The following DENND1A variants were observed in gnomAD, a reference collection of about 807,000 sequenced individuals.
DENND1A encodes DENN domain-containing protein 1A.
Under a neutral mutation model 113.7 loss-of-function variants are expected in DENND1A, and 51 were observed. The observed-to-expected ratio is 0.45, with a 90% CI of 0.36 to 0.57. DENND1A has a LOEUF of 0.57. Among genes scored for constraint, DENND1A ranks in the 20% least tolerant of loss-of-function variants. DENND1A has a pLI of 0.00. For missense variants in DENND1A, 1,258 were observed against 1,395.9 expected, an observed-to-expected ratio of 0.90 and a Z score of 1.57; for synonymous variants, 565 against 570.8, an observed-to-expected ratio of 0.99 and a Z score of 0.14.
In DENND1A at chr9:123,547,128, G is replaced by A. The variant is rs1224345949; in HGVS notation, c.993+10442C>T. ...CAACATCAGTGTCCCTGTGACGTGG[G>A]CAGTGGAGATTTGGTGCCAATATTG... On this transcript the variant is annotated intron_variant, in intron 13 of 23. Coordinates refer to ENST00000394215, the MANE Select transcript of DENND1A (RefSeq NM_001352964.2). 2.0e-5 allele frequency among the ~76,000 whole-genome samples: 3 copies of A among 152,356 alleles called. No individual in the cohort carries two copies. In the East Asian group the frequency reaches 5.8e-4, roughly 29 times the overall value.
intron 1 of DENND1A, among the ~76,000 whole-genome samples, chr9:123,928,375 A>G (rs1236174949): frequency 6.6e-6 from 1 of 152,216 alleles, no homozygotes; most frequent in Non-Finnish European, 1.5e-5. Flanking sequence ...TGGCTTCTGG[A>G]AAGTGTTTCT....
chr9:123,745,129 C>T (rs1351322317), intron 5 of DENND1A, among the ~76,000 whole-genome samples: 1 of 152,094 alleles, frequency 6.6e-6, no homozygotes, highest in Non-Finnish European at 1.5e-5. Context: ...GAAATTAAGG[C>T]TCAGACAGAG....
chr9:123,415,861 T>C (rs1588420405), intron 19 of DENND1A, among the ~76,000 whole-genome samples: 1 of 152,006 alleles, frequency 6.6e-6, no homozygotes, highest in Admixed American at 6.5e-5. Context: ...GCCATGGTGG[T>C]TGCAGTTTCC....
At chr9:123,566,264 C>T (rs1049486348) in intron 12 of DENND1A, among the ~76,000 whole-genome samples, 9 of 152,170 alleles carry the variant, frequency 5.9e-5, no homozygotes, top group African/African-American at 1.7e-4. Context: ...TGCTTTCCTG[C>T]TTCTTTCTTG....
At chr9:123,591,386 G>A (rs1250580601) in intron 11 of DENND1A, among the ~76,000 whole-genome samples, 5 of 152,250 alleles carry the variant, frequency 3.3e-5, no homozygotes, top group Non-Finnish European at 7.3e-5. Flanking sequence ...AATGTCAGCC[G>A]GGGGATCTGA....
chr9:123,711,333 C>T (rs1438676355), intron 5 of DENND1A, among the ~76,000 whole-genome samples: 2 of 151,094 alleles, frequency 1.3e-5, no homozygotes, highest in Admixed American at 6.6e-5. Context: ...GGCGTGGTGG[C>T]GGGTGCCTAT....
chr9:123,615,823 A>C (rs2060625075), intron 10 of DENND1A, among the ~76,000 whole-genome samples: 1 of 152,218 alleles, frequency 6.6e-6, no homozygotes, highest in Non-Finnish European at 1.5e-5. Context: ...AGGAAGGGTA[A>C]AACAGTCGAG....
chr9:123,830,738 C>A (rs1198942011), intron 2 of DENND1A, among the ~76,000 whole-genome samples: 2 of 151,592 alleles, frequency 1.3e-5, no homozygotes, highest in Non-Finnish European at 2.9e-5. Flanking sequence ...TGGTGGCAGA[C>A]GCCTGTAATC....
intron 2 of DENND1A, among the ~76,000 whole-genome samples, chr9:123,844,901 T>C (rs929790673): frequency 1.3e-5 from 2 of 152,174 alleles, no homozygotes; most frequent in African/African-American, 4.8e-5. Flanking sequence ...ATATTTGCAA[T>C]TGTCAATTAC....
chr9:123,505,907 C>G (rs1310895047), intron 13 of DENND1A, among the ~76,000 whole-genome samples: 1 of 152,114 alleles, frequency 6.6e-6, no homozygotes, highest in Non-Finnish European at 1.5e-5. Flanking sequence ...CTCCCTTAGA[C>G]AAGTGCCCTG....
intron 5 of DENND1A, among the ~76,000 whole-genome samples, chr9:123,747,820 AT>A (rs758995358): frequency 6.6e-6 from 1 of 152,248 alleles, no homozygotes; most frequent in Non-Finnish European, 1.5e-5. Flanking sequence ...ACAAAATAAA[AT>A]ACGGAAACGT....
intron 5 of DENND1A, among the ~76,000 whole-genome samples, chr9:123,695,943 T>C (rs564529493): frequency 2.0e-5 from 3 of 150,916 alleles, no homozygotes; most frequent in African/African-American, 7.3e-5. Flanking sequence ...GGCAAACTGA[T>C]TTTTATGAAC....
At chr9:123,797,875 CA>C (rs1206287826) in intron 2 of DENND1A, among the ~76,000 whole-genome samples, 3 of 151,484 alleles carry the variant, frequency 2.0e-5, no homozygotes, top group African/African-American at 4.9e-5. Context: ...TTACTCTTTT[CA>C]AAAAATACTG....
intron 1 of DENND1A, among the ~76,000 whole-genome samples, chr9:123,901,118 G>C (rs894441218): frequency 7.2e-5 from 11 of 152,186 alleles, no homozygotes; most frequent in Admixed American, 2.6e-4. Flanking sequence ...AGCAGCTGAA[G>C]GATTTTAAGC....
At chr9:123,858,107 A>AAAC (rs1289166368) in intron 2 of DENND1A, among the ~76,000 whole-genome samples, 2 of 152,130 alleles carry the variant, frequency 1.3e-5, no homozygotes, top group Non-Finnish European at 2.9e-5. Context: ...TAAATAAACT[A>AAAC]AACGCAATTT....
chr9:123,540,383 G>A (rs1263853328), intron 13 of DENND1A, among the ~76,000 whole-genome samples: 2 of 152,222 alleles, frequency 1.3e-5, no homozygotes, highest in Non-Finnish European at 2.9e-5. Flanking sequence ...GCTGACTCCT[G>A]TTAAGTAGGT....
At chr9:123,744,768 CTCTTTT>C (rs374470875) in intron 5 of DENND1A, among the ~76,000 whole-genome samples, 40 of 137,938 alleles carry the variant, frequency 2.9e-4, no homozygotes, top group African/African-American at 5.0e-4. Flanking sequence ...CTTATATTAG[CTCTTTT>C]TTTTTTTTTT....
rs1191733387 is a variant in DENND1A at position 123,869,861 on chromosome 9, G to A, written c.88+9090C>T. Among the ~76,000 whole-genome samples, 3 of 151,966 alleles carry A rather than the reference G, an allele frequency of 2.0e-5. No individual in the cohort carries two copies. In the East Asian group the frequency reaches 5.8e-4, roughly 29 times the overall value. ...ACAAAAATTAGCTGAGTGTGGTGGT[G>A]TGCACCTGTAGTCCCAGCTACTGGG... On this transcript the variant is annotated intron_variant, in intron 2 of 23. Transcript: ENST00000394215.
intron 2 of DENND1A, among the ~76,000 whole-genome samples, chr9:123,860,392 A>G (rs1039669020): frequency 6.6e-6 from 1 of 152,322 alleles, no homozygotes; most frequent in East Asian, 1.9e-4. Flanking sequence ...AATGATTCCC[A>G]GTAATTAAAG....
Sources: allele counts gnomAD v4.1 joint callset (sites outside exome capture counted in the v4.1 genomes callset), GRCh38; gene constraint gnomAD v4.1.1; transcripts MANE v1.5; gene names NCBI Gene and HGNC (gene_info 2026-07-23, HGNC 2026-07-21).